Variants in NSG1 observed in about 807,000 individuals in gnomAD.
The protein encoded by NSG1 is neuronal vesicle trafficking-associated protein 1.
NSG1 carries 9 observed loss-of-function variants against 19.3 expected under a neutral mutation model. That is an observed-to-expected ratio of 0.47 (90% confidence interval 0.28 to 0.81). The LOEUF (loss-of-function observed/expected upper bound fraction) is 0.81, where lower values mean the gene tolerates loss of function less well. Ranked by LOEUF, NSG1 falls within the 40% of genes least tolerant of loss-of-function variation. The probability of loss-of-function intolerance (pLI) is 0.11; values close to 1 mark genes in which losing one functional copy is unlikely to be tolerated. For synonymous variants in NSG1, 104 were observed against 107.0 expected (o/e 0.97, Z 0.17); for missense variants, 236 against 242.4 (o/e 0.97, Z 0.18).
intron 3 of NSG1, among the ~76,000 whole-genome samples, chr4:4,401,529 C>T (rs990364171): frequency 6.6e-6 from 1 of 152,188 alleles, no homozygotes; most frequent in Non-Finnish European, 1.5e-5. Context: ...TGGTAAGCTC[C>T]TCCTCCTTTG....
chr4:4,405,280 CT>C (rs1723790033), intron 3 of NSG1, among the ~76,000 whole-genome samples: 1 of 152,192 alleles, frequency 6.6e-6, no homozygotes, highest in Admixed American at 6.5e-5. Flanking sequence ...CAAATTTCCC[CT>C]CTTTATAAGG....
chr4:4,409,490 G>GT (rs1724050425), intron 3 of NSG1, 83 bp from the exon 4 acceptor site: 1 of 977,948 alleles, frequency 1.0e-6, no homozygotes, highest in Non-Finnish European at 1.6e-6. Flanking sequence ...ATGCTGTGTG[G>GT]GGGGGGGCCT....
Position 4,417,865 on chromosome 4 carries a change from G to T in NSG1, c.*430G>T, listed in dbSNP as rs1031063595. ...GCTGTGCTAAGAGCAAGCCTACTTC[G>T]CATTTCTTCCTCGGCCATCAGCGGG... On this transcript the variant is annotated 3_prime_UTR_variant, in exon 5 of 5. Coordinates refer to ENST00000621129, the MANE Select transcript of NSG1 (RefSeq NM_014392.5). 8.2e-6 allele frequency: 2 copies of T among 245,310 alleles called. No individual in the cohort carries two copies. Among genetic ancestry groups the T allele is most frequent in the Non-Finnish European group, 1.6e-5 (2 of 125,782 alleles). The allele number at this position is 245,310 out of a possible 1,614,324, so 15.2% of individuals were successfully genotyped here.
intron 4 of NSG1, among the ~76,000 whole-genome samples, chr4:4,410,259 A>C (rs186867410): frequency 2.0e-5 from 3 of 152,208 alleles, no homozygotes; most frequent in Non-Finnish European, 4.4e-5. Flanking sequence ...CTCGCTTTGC[A>C]TATATAATGC....
rs546198120 is a variant in NSG1 at position 4,410,211 on chromosome 4, G to A, written c.357+528G>A. Reference sequence around the variant, plus strand: ...CTCTCCTGCCTGTCCCACCGCAGGAGCCACACTGGTGCTGGGCTCTCTACA... The same window carrying A: ...CTCTCCTGCCTGTCCCACCGCAGGAACCACACTGGTGCTGGGCTCTCTACA... On this transcript the variant is annotated intron_variant, in intron 4 of 4. Transcript: ENST00000621129. 4.6e-5 allele frequency among the ~76,000 whole-genome samples: 7 copies of A among 152,294 alleles called. No individual in the cohort carries two copies. In the East Asian group the frequency reaches 1.2e-3, roughly 25 times the overall value.
chr4:4,396,088 C>A (rs1723234156), intron 3 of NSG1, among the ~76,000 whole-genome samples: 2 of 152,192 alleles, frequency 1.3e-5, no homozygotes, highest in Admixed American at 6.5e-5. Flanking sequence ...AGGTTCTTGT[C>A]AAGGAAAGCA....
chr4:4,399,181 C>T lies in NSG1; in HGVS notation c.246+7590C>T, dbSNP rs149826335. Among the ~76,000 whole-genome samples the T allele has an allele frequency of 2.0e-3, 311 of 152,186 alleles. 4 individuals carry two copies. The highest frequency in any genetic ancestry group is 9.9e-3 in the Admixed American group (151 of 15,280). Reference sequence around the variant, plus strand: ...TTTTTGAGACAGGGTCTCACTCTGTCGCCGAGGCTGGAGTGCAGTGGTGGG... The same window carrying T: ...TTTTTGAGACAGGGTCTCACTCTGTTGCCGAGGCTGGAGTGCAGTGGTGGG... On this transcript the variant is annotated intron_variant, in intron 3 of 4. Transcript: ENST00000621129.
At chr4:4,407,404 C>T (rs560095322) in intron 3 of NSG1, among the ~76,000 whole-genome samples, 11 of 151,884 alleles carry the variant, frequency 7.2e-5, no homozygotes, top group Non-Finnish European at 1.2e-4. Flanking sequence ...GGAGGGCGGG[C>T]GGTGGGATGT....
At chr4:4,415,456 GGGGGGC>G (rs1724473622) in intron 4 of NSG1, among the ~76,000 whole-genome samples, 1 of 152,106 alleles carries the variant, frequency 6.6e-6, no homozygotes, top group South Asian at 2.1e-4. Context: ...AGATGGGTAT[GGGGGGC>G]GGCAGGAGCC....
chr4:4,414,958 AAAC>A (rs529571480), intron 4 of NSG1, among the ~76,000 whole-genome samples: 1,626 of 150,506 alleles, frequency 0.011, 20 homozygotes, highest in Non-Finnish European at 0.014. Context: ...CTTTAAAAAA[AAAC>A]AACAACAACA....
At chr4:4,401,938 T>G (rs1043052608) in intron 3 of NSG1, among the ~76,000 whole-genome samples, 1 of 152,060 alleles carries the variant, frequency 6.6e-6, no homozygotes, top group Non-Finnish European at 1.5e-5. Context: ...TGGTGTGTAG[T>G]GGCACCATCT....
chr4:4,395,879 G>C (rs145487581), intron 3 of NSG1, among the ~76,000 whole-genome samples: 1 of 152,150 alleles, frequency 6.6e-6, no homozygotes, highest in African/African-American at 2.4e-5. Context: ...CTTTATAGGC[G>C]TTTGGATGGC....
At chr4:4,387,288 G>A (rs146902503) in intron 1 of NSG1, 115 bp downstream of exon 1, 10,718 of 264,278 alleles carry the variant, frequency 0.041, 266 homozygotes, top group Middle Eastern at 0.051. Flanking sequence ...TGAACAGCGG[G>A]TCGCCCGGGT....
At chr4:4,414,032 A>C (rs946752371) in intron 4 of NSG1, among the ~76,000 whole-genome samples, 2 of 152,066 alleles carry the variant, frequency 1.3e-5, no homozygotes, top group South Asian at 2.1e-4. Context: ...TGGGGGCCGG[A>C]AGTCCCCACC....
rs572187601 is a variant in NSG1 at position 4,406,374 on chromosome 4, C to G, written c.247-3199C>G. Among the ~76,000 whole-genome samples the G allele has an allele frequency of 4.6e-5, 7 of 152,312 alleles. No homozygotes were observed. In the East Asian group the frequency reaches 1.2e-3, roughly 25 times the overall value. On this transcript the variant is annotated intron_variant, in intron 3 of 4. Transcript: ENST00000621129. ...CATCTGCACCTGTGGTGGCTTGGCTCTCTTCTCAGAATAGTGTTTTCAGAT... is the reference window on the plus strand; with the variant it reads ...CATCTGCACCTGTGGTGGCTTGGCTGTCTTCTCAGAATAGTGTTTTCAGAT...
intron 4 of NSG1, 55 bp downstream of exon 4, chr4:4,409,738 C>T (rs1179265085): frequency 2.2e-6 from 3 of 1,362,324 alleles, no homozygotes; most frequent in Non-Finnish European, 3.2e-6. Flanking sequence ...CCCATGTTCT[C>T]TCCCTTGAAC....
In NSG1 at chr4:4,387,682, TGGA is replaced by T; in HGVS notation, c.57_59del (p.Glu19del). The T allele has an allele frequency of 1.2e-6, 2 of 1,613,808 alleles. No homozygotes were observed. The highest frequency in any genetic ancestry group is 2.2e-5 in the South Asian group (2 of 91,086). ...GAGAAGGGCACCAAGCAGCCGCTGC[TGGA>T]GGATGGCTTCGACACCATTCCCCTG... On this transcript the variant is annotated inframe_deletion, in exon 2 of 5. Transcript: ENST00000621129.
At chr4:4,417,172 TG>T in intron 4 of NSG1, 62 bp from the exon 5 acceptor site, 1 of 1,424,412 alleles carries the variant, frequency 7.0e-7, no homozygotes, top group Non-Finnish European at 9.9e-7. Context: ...GGCTGCCAAC[TG>T]GAGACACACT....
intron 3 of NSG1, among the ~76,000 whole-genome samples, chr4:4,406,761 C>T (rs1723880409): frequency 6.6e-6 from 1 of 152,218 alleles, no homozygotes; most frequent in South Asian, 2.1e-4. Flanking sequence ...GAGCCAGGTG[C>T]CAGACTCCCG....
Sources: allele counts gnomAD v4.1 joint callset (sites outside exome capture counted in the v4.1 genomes callset), GRCh38; gene constraint gnomAD v4.1.1; transcripts MANE v1.5; gene names NCBI Gene and HGNC (gene_info 2026-07-23, HGNC 2026-07-21).